The following DIS3L2 variants were observed in gnomAD, a reference collection of about 807,000 sequenced individuals.
DIS3L2 encodes DIS3 like 3'-5' exoribonuclease 2.
In DIS3L2, 34 loss-of-function variants were observed where a neutral mutation model predicts 97.5. That is an observed-to-expected ratio of 0.35 (90% CI 0.27 to 0.46). The LOEUF (loss-of-function observed/expected upper bound fraction) is 0.46. Among genes scored for constraint, DIS3L2 ranks in the 20% least tolerant of loss-of-function variants. DIS3L2 has a pLI of 1.00. For missense variants in DIS3L2, 1,038 were observed against 1,146.0 expected (o/e 0.91, Z 1.36); for synonymous variants, 435 against 445.2 (o/e 0.98, Z 0.29).
chr2:232,335,554 C>T lies in DIS3L2; in HGVS notation c.2395-219C>T, dbSNP rs565453206. 70 of 585,342 alleles carry T rather than the reference C, an allele frequency of 1.2e-4. 1 individual carries two copies. Among genetic ancestry groups the T allele is most frequent in the Admixed American group, 6.0e-4 (20 of 33,128 alleles). The allele number at this position is 585,342 out of a possible 1,614,324, so 36.3% of individuals were successfully genotyped here. A position where few individuals can be genotyped will look rare whatever the true frequency, so the allele number is the denominator to read the frequency against. ...TTGCCCCCCATAGCACACAGAGCCA[C>T]GGGCCTTCCCAGCCCCCACCCCTGG... On this transcript the variant is annotated intron_variant, in intron 19 of 20. Transcript: ENST00000325385.
intron 1 of DIS3L2, among the ~76,000 whole-genome samples, chr2:231,971,479 G>A (rs1362994306): frequency 2.7e-5 from 4 of 150,784 alleles, no homozygotes; most frequent in Non-Finnish European, 5.9e-5. Context: ...ACGGAGTCTC[G>A]CACTCTCGCC....
chr2:232,119,296 T>C (rs1559648299), intron 6 of DIS3L2, among the ~76,000 whole-genome samples: 1 of 152,212 alleles, frequency 6.6e-6, no homozygotes, highest in Non-Finnish European at 1.5e-5. Context: ...TTTTGCAGTT[T>C]TAATGGATAA....
At position 232,305,847 on chromosome 2, in the gene DIS3L2, C is replaced by T. The variant is rs377761029; in HGVS notation, c.1739+5728C>T. On this transcript the variant is annotated intron_variant, in intron 14 of 20. Coordinates refer to ENST00000325385, the MANE Select transcript of DIS3L2 (RefSeq NM_152383.5). ...GCACACACCTGTAAGACCAGCTACCCGGGAGGCTGAGGCAGGAGAGTCACT... is the reference window on the plus strand; with the variant it reads ...GCACACACCTGTAAGACCAGCTACCTGGGAGGCTGAGGCAGGAGAGTCACT... 5.3e-5 allele frequency among the ~76,000 whole-genome samples: 8 copies of T among 151,896 alleles called. No individual in the cohort carries two copies. In the East Asian group the frequency reaches 9.7e-4, roughly 18 times the overall value.
chr2:232,052,191 T>A (rs1263874046), intron 5 of DIS3L2, among the ~76,000 whole-genome samples: 1 of 151,984 alleles, frequency 6.6e-6, no homozygotes, highest in Non-Finnish European at 1.5e-5. Context: ...TCTGGCTAAT[T>A]TTTTGTATTT....
intron 6 of DIS3L2, among the ~76,000 whole-genome samples, chr2:232,118,963 C>G (rs1697811654): frequency 6.6e-6 from 1 of 152,220 alleles, no homozygotes; most frequent in South Asian, 2.1e-4. Context: ...TATCTAGCTT[C>G]TTTTCCCTTA....
In DIS3L2 at chr2:232,336,563, G is replaced by A. The variant is rs746507960; in HGVS notation, c.2591G>A (p.Gly864Asp). The change falls in exon 21 of 21, where the codon GGC becomes GAC. Residue 864 changes from glycine (G) to aspartate (D), a missense_variant. Transcript: ENST00000325385. ...SAILKRPGTQ[G>D]HLGPEKEEEE... is the part of the protein sequence containing the mutation. Reference sequence around the variant, plus strand: ...ATCCTGAAGCGGCCAGGCACCCAGGGCCACCTGGGCCCTGAGAAGGAGGAG... The same window carrying A: ...ATCCTGAAGCGGCCAGGCACCCAGGACCACCTGGGCCCTGAGAAGGAGGAG... 1 of 1,609,426 alleles carries A rather than the reference G, an allele frequency of 6.2e-7. No individual in the cohort carries two copies. Among genetic ancestry groups the A allele is most frequent in the Non-Finnish European group, 8.5e-7 (1 of 1,179,936 alleles).
intron 5 of DIS3L2, among the ~76,000 whole-genome samples, chr2:232,086,198 CGTGT>C (rs1559612065): frequency 6.8e-6 from 1 of 147,272 alleles, no homozygotes; most frequent in African/African-American, 2.6e-5. Flanking sequence ...CACGTATAGA[CGTGT>C]ATACGTATAT....
chr2:232,163,783 GC>G, intron 9 of DIS3L2, 151 bp downstream of exon 9: 1 of 802,290 alleles, frequency 1.2e-6, no homozygotes, highest in Non-Finnish European at 1.8e-6. Flanking sequence ...GCAAATTATG[GC>G]CCACAGGCTA....
intron 6 of DIS3L2, among the ~76,000 whole-genome samples, chr2:232,109,803 C>A (rs1207895436): frequency 6.6e-6 from 1 of 152,072 alleles, no homozygotes; most frequent in Non-Finnish European, 1.5e-5. Context: ...GATATAGGTA[C>A]CAGCAATGAT....
intron 14 of DIS3L2, 28 bp from the exon 15 acceptor site, chr2:232,329,785 T>TCCCGGGGGGGCCCC: frequency 1.1e-4 from 105 of 967,072 alleles, no homozygotes; most frequent in Middle Eastern, 3.5e-4. Flanking sequence ...ACCCCAGCGG[T>TCCCGGGGGGGCCCC]CCCTCCCATC....
intron 1 of DIS3L2, among the ~76,000 whole-genome samples, chr2:231,965,808 A>G (rs1692691946): frequency 6.6e-6 from 1 of 152,206 alleles, no homozygotes; most frequent in Non-Finnish European, 1.5e-5. Context: ...ATGCACAGGA[A>G]GAGAACAGTG....
At chr2:232,117,105 A>G (rs1263193579) in intron 6 of DIS3L2, among the ~76,000 whole-genome samples, 1 of 152,010 alleles carries the variant, frequency 6.6e-6, no homozygotes, top group Non-Finnish European at 1.5e-5. Context: ...AGACTACTGC[A>G]CCCATGACTC....
At chr2:232,235,711 T>C (rs982890337) in intron 10 of DIS3L2, among the ~76,000 whole-genome samples, 13 of 152,256 alleles carry the variant, frequency 8.5e-5, no homozygotes, top group Non-Finnish European at 1.6e-4. Flanking sequence ...TATTTACCTG[T>C]TAGGCCAATA....
chr2:232,339,678 A>G (rs933908587), downstream of DIS3L2: 1 of 456,184 alleles, frequency 2.2e-6, no homozygotes, highest in Non-Finnish European at 4.4e-6. Flanking sequence ...GCAGCTGGGC[A>G]GTAGAACACT....
chr2:232,318,316 C>T (rs180844790), intron 14 of DIS3L2, among the ~76,000 whole-genome samples: 1 of 152,366 alleles, frequency 6.6e-6, no homozygotes, highest in East Asian at 1.9e-4. Flanking sequence ...CATGGAAGGG[C>T]GCTGAGAAGT....
chr2:231,982,623 C>T (rs1020399970), intron 1 of DIS3L2, among the ~76,000 whole-genome samples: 2 of 151,098 alleles, frequency 1.3e-5, no homozygotes, highest in Non-Finnish European at 2.9e-5. Flanking sequence ...GAAATGCCTC[C>T]TTTATCATAT....
intron 6 of DIS3L2, among the ~76,000 whole-genome samples, chr2:232,102,580 G>T (rs762130640): frequency 3.9e-5 from 6 of 152,230 alleles, no homozygotes; most frequent in Non-Finnish European, 8.8e-5. Context: ...GTGGTTGTGT[G>T]TGTGTGCAAA....
chr2:232,265,118 AT>A (rs1388706853), intron 13 of DIS3L2, among the ~76,000 whole-genome samples: 1 of 152,170 alleles, frequency 6.6e-6, no homozygotes, highest in East Asian at 1.9e-4. Context: ...TGGCTGCCTG[AT>A]TGTCAAGTCC....
intron 9 of DIS3L2, 58 bp from the exon 10 acceptor site, chr2:232,210,268 G>A: frequency 7.5e-7 from 1 of 1,337,088 alleles, no homozygotes; most frequent in Non-Finnish European, 1.1e-6. Context: ...CTGTACTATG[G>A]TGGGGTAAAG....
Sources: allele counts gnomAD v4.1 joint callset (sites outside exome capture counted in the v4.1 genomes callset), GRCh38; gene constraint gnomAD v4.1.1; transcripts MANE v1.5; gene names NCBI Gene and HGNC (gene_info 2026-07-23, HGNC 2026-07-21).